Variants in DYNLL2 observed in about 807,000 individuals in gnomAD.
The protein encoded by DYNLL2 is dynein light chain LC8-type 2.
In DYNLL2, 1 loss-of-function variant was observed where a neutral mutation model predicts 9.7. The observed-to-expected ratio is 0.10, with a 90% CI of 0.04 to 0.49. The LOEUF (loss-of-function observed/expected upper bound fraction) is 0.49, where lower values mean the gene tolerates loss of function less well. DYNLL2 is among the 20% of genes least tolerant of loss of function. The pLI, the probability that DYNLL2 is intolerant of heterozygous loss-of-function variation, is 0.95. For synonymous variants in DYNLL2, 35 were observed against 40.5 expected, an observed-to-expected ratio of 0.86 and a Z score of 0.52; for missense variants, 37 against 115.2, an observed-to-expected ratio of 0.32 and a Z score of 3.11.
At chr17:58,088,243 C>T (rs2075767680) in intron 2 of DYNLL2, among the ~76,000 whole-genome samples, 1 of 152,172 alleles carries the variant, frequency 6.6e-6, no homozygotes, top group Admixed American at 6.5e-5. Flanking sequence ...GTGACTGGCT[C>T]TCCTGTATTA....
In DYNLL2 at chr17:58,089,446, A is replaced by C; in HGVS notation, c.*167A>C. 4.9e-6 allele frequency: 4 copies of C among 813,746 alleles called. No individual in the cohort carries two copies. The highest frequency in any genetic ancestry group is 7.1e-6 in the Non-Finnish European group (4 of 564,150). The allele number at this position is 813,746 out of a possible 1,614,324, so 50.4% of individuals were successfully genotyped here. A position where few individuals can be genotyped will look rare whatever the true frequency, so the allele number is the denominator to read the frequency against. On this transcript the variant is annotated 3_prime_UTR_variant, in exon 3 of 3. Coordinates refer to ENST00000579991, the MANE Select transcript of DYNLL2 (RefSeq NM_080677.3). ...TGTATGTCGCAGTAAACAAAACCAAACCTCTTTCTGTTTAGTTGCCTGGGG... is the reference window on the plus strand; with the variant it reads ...TGTATGTCGCAGTAAACAAAACCAACCCTCTTTCTGTTTAGTTGCCTGGGG...
intron 2 of DYNLL2, among the ~76,000 whole-genome samples, chr17:58,087,692 A>G (rs1211446039): frequency 6.6e-6 from 1 of 152,198 alleles, no homozygotes; most frequent in African/African-American, 2.4e-5. Flanking sequence ...GGACTCAGGT[A>G]CTACATCACC....
In DYNLL2 at chr17:58,090,555, TG is replaced by T. The variant is rs890446826; in HGVS notation, c.*1278del. 7.2e-5 allele frequency: 11 copies of T among 152,014 alleles called. No individual in the cohort carries two copies. Among genetic ancestry groups the T allele is most frequent in the Admixed American group, 2.0e-4 (3 of 15,250 alleles). 9.4% of individuals were successfully genotyped at this position (152,014 alleles called of 1,614,324 possible). ...TCTCAGTGCAGAGGGACAGTGACTGTGGATGGTTGCAGTCTCTGGTGGGAGG... is the reference window on the plus strand; with the variant it reads ...TCTCAGTGCAGAGGGACAGTGACTGTGATGGTTGCAGTCTCTGGTGGGAGG... On this transcript the variant is annotated 3_prime_UTR_variant, in exon 3 of 3. Transcript: ENST00000579991.
intron 1 of DYNLL2, 66 bp from the exon 2 acceptor site, chr17:58,087,016 C>T: frequency 6.3e-7 from 1 of 1,582,918 alleles, no homozygotes; most frequent in South Asian, 1.1e-5. Flanking sequence ...GACCCCACAC[C>T]CAGCAGCTAA....
In DYNLL2 at chr17:58,094,460, T is replaced by C. The variant is rs2075791177; in HGVS notation, c.*5181T>C. The C allele has an allele frequency of 6.6e-6, 1 of 152,254 alleles. No homozygotes were observed. The highest frequency in any genetic ancestry group is 6.5e-5 in the Admixed American group (1 of 15,278). The allele number at this position is 152,254 out of a possible 1,614,324, so 9.4% of individuals were successfully genotyped here. On this transcript the variant is annotated 3_prime_UTR_variant, in exon 3 of 3. Coordinates refer to ENST00000579991, the MANE Select transcript of DYNLL2 (RefSeq NM_080677.3). The stretch of plus-strand genomic sequence containing the variant: ...TCCCTGCTCAATTATACCCATGTTA[T>C]AGGGAAGGAAATAGGGAAGAAACTT...
rs2075743692 is a variant in DYNLL2, at chr17:58,083,496, G to C, written c.-197G>C. 1 of 151,804 alleles carries C rather than the reference G, an allele frequency of 6.6e-6. No individual in the cohort carries two copies. Among genetic ancestry groups the C allele is most frequent in the Non-Finnish European group, 1.5e-5 (1 of 67,874 alleles). 9.4% of individuals were successfully genotyped at this position (151,804 alleles called of 1,614,324 possible). A position where few individuals can be genotyped will look rare whatever the true frequency, so the allele number is the denominator to read the frequency against. ...GCGGGCGGCGTGAGGCGGAGCGCGG[G>C]CGGCCGGCGAAACTCCAAGGGCGGA... is the stretch of plus-strand genomic sequence containing the variant. On this transcript the variant is annotated 5_prime_UTR_variant, in exon 1 of 3. Transcript: ENST00000579991.
At position 58,087,126 on chromosome 17, in the gene DYNLL2, C is replaced by T. The variant is rs781738076; in HGVS notation, c.36C>T (p.Asp12=). The change falls in exon 2 of 3, where the codon GAC becomes GAT. Residue 12 remains aspartate (D), a synonymous_variant. Coordinates refer to ENST00000579991, the MANE Select transcript of DYNLL2 (RefSeq NM_080677.3). ...SDRKAVIKNA[D]MSEDMQQDAV... ...GGAAGGCAGTGATCAAGAACGCAGA[C>T]ATGTCTGAGGACATGCAACAGGATG... 2.5e-6 allele frequency: 4 copies of T among 1,614,224 alleles called. No homozygotes were observed. Among genetic ancestry groups the T allele is most frequent in the East Asian group, 2.2e-5 (1 of 44,886 alleles).
At position 58,089,802 on chromosome 17, in the gene DYNLL2, A is replaced by C. The variant is rs781525575; in HGVS notation, c.*523A>C. The C allele has an allele frequency of 2.5e-6, 1 of 398,924 alleles. No individual in the cohort carries two copies. The highest frequency in any genetic ancestry group is 4.4e-6 in the Non-Finnish European group (1 of 226,492). 24.7% of individuals were successfully genotyped at this position (398,924 alleles called of 1,614,324 possible). ...AGGGATTGATCTAGTACCAGGGAGA[A>C]TATTCCACTGAACTGTGATTCTATG... On this transcript the variant is annotated 3_prime_UTR_variant, in exon 3 of 3. Transcript: ENST00000579991.
chr17:58,090,871 C>T lies in DYNLL2; in HGVS notation c.*1592C>T, dbSNP rs2075777836. On this transcript the variant is annotated 3_prime_UTR_variant, in exon 3 of 3. Coordinates refer to ENST00000579991, the MANE Select transcript of DYNLL2 (RefSeq NM_080677.3). Reference sequence around the variant, plus strand: ...GGGATCCAGCTTATTCTTTTATTTTCAAGTCCATTCTTGGGGCTGGTGGGG... The same window carrying T: ...GGGATCCAGCTTATTCTTTTATTTTTAAGTCCATTCTTGGGGCTGGTGGGG... The T allele has an allele frequency of 6.6e-6, 1 of 151,266 alleles. No individual in the cohort carries two copies. The highest frequency in any genetic ancestry group is 1.5e-5 in the Non-Finnish European group (1 of 67,726). The allele number at this position is 151,266 out of a possible 1,614,324, so 9.4% of individuals were successfully genotyped here. A position where few individuals can be genotyped will look rare whatever the true frequency, so the allele number is the denominator to read the frequency against.
chr17:58,093,062 A>AT lies in DYNLL2; in HGVS notation c.*3788dup, dbSNP rs1185967547. The AT allele has an allele frequency of 7.2e-5, 11 of 152,186 alleles. No individual in the cohort carries two copies. The highest frequency in any genetic ancestry group is 2.7e-4 in the African/African-American group (11 of 41,448). 9.4% of individuals were successfully genotyped at this position (152,186 alleles called of 1,614,324 possible). ...ACTAGAATATAAGCTCTGTGAGAGC[A>AT]TTTTTCTCTTAACTGCTTATCTTCA... On this transcript the variant is annotated 3_prime_UTR_variant, in exon 3 of 3. Transcript: ENST00000579991.
rs1397509476 is a variant in DYNLL2, at chr17:58,094,789, A to G, written c.*5510A>G. ...TTCCCTCTTCTCCCCAGCCCTGGGA[A>G]ACCACTGACCTACCTTATATCTCTA... On this transcript the variant is annotated 3_prime_UTR_variant, in exon 3 of 3. Coordinates refer to ENST00000579991, the MANE Select transcript of DYNLL2 (RefSeq NM_080677.3). 1 of 152,240 alleles carries G rather than the reference A, an allele frequency of 6.6e-6. No individual in the cohort carries two copies. Among genetic ancestry groups the G allele is most frequent in the Non-Finnish European group, 1.5e-5 (1 of 68,052 alleles). The allele number at this position is 152,240 out of a possible 1,614,324, so 9.4% of individuals were successfully genotyped here. A position where few individuals can be genotyped will look rare whatever the true frequency, so the allele number is the denominator to read the frequency against.
Position 58,093,422 on chromosome 17 carries a change from C to T in DYNLL2, c.*4143C>T, listed in dbSNP as rs1476942466. 2.0e-5 allele frequency: 3 copies of T among 152,206 alleles called. No homozygotes were observed. The highest frequency in any genetic ancestry group is 2.9e-5 in the Non-Finnish European group (2 of 68,020). 9.4% of individuals were successfully genotyped at this position (152,206 alleles called of 1,614,324 possible). A position where few individuals can be genotyped will look rare whatever the true frequency, so the allele number is the denominator to read the frequency against. On this transcript the variant is annotated 3_prime_UTR_variant, in exon 3 of 3. Transcript: ENST00000579991. The stretch of plus-strand genomic sequence containing the variant: ...GTTGCTGAAACCTGAGAGCGCCCCC[C>T]TGAGCTAGACTCAGTAATCATTAGA...
Position 58,093,414 on chromosome 17 carries a change from G to A in DYNLL2, c.*4135G>A, listed in dbSNP as rs1158285909. Reference sequence around the variant, plus strand: ...CAGTTTATGTTGCTGAAACCTGAGAGCGCCCCCCTGAGCTAGACTCAGTAA... The same window carrying A: ...CAGTTTATGTTGCTGAAACCTGAGAACGCCCCCCTGAGCTAGACTCAGTAA... On this transcript the variant is annotated 3_prime_UTR_variant, in exon 3 of 3. Coordinates refer to ENST00000579991, the MANE Select transcript of DYNLL2 (RefSeq NM_080677.3). The A allele has an allele frequency of 6.6e-6, 1 of 152,174 alleles. No individual in the cohort carries two copies. The allele number at this position is 152,174 out of a possible 1,614,324, so 9.4% of individuals were successfully genotyped here. A position where few individuals can be genotyped will look rare whatever the true frequency, so the allele number is the denominator to read the frequency against.
intron 1 of DYNLL2, 71 bp from the exon 2 acceptor site, chr17:58,087,011 C>G: frequency 6.3e-7 from 1 of 1,578,266 alleles, no homozygotes; most frequent in Admixed American, 1.7e-5. Context: ...ACTGAGACCC[C>G]ACACCCAGCA....
At chr17:58,089,019 T>G in intron 2 of DYNLL2, 123 bp from the exon 3 acceptor site, 1 of 1,196,032 alleles carries the variant, frequency 8.4e-7, no homozygotes, top group Non-Finnish European at 1.2e-6. Flanking sequence ...GGCTGAGGGA[T>G]GGGGTGGGGG....
intron 1 of DYNLL2, among the ~76,000 whole-genome samples, chr17:58,084,126 C>T (rs548527508): frequency 6.6e-6 from 1 of 151,856 alleles, no homozygotes. Context: ...CGGCGCTGTT[C>T]CAGGCCGGGT....
At chr17:58,084,360 G>A (rs1013889257) in intron 1 of DYNLL2, among the ~76,000 whole-genome samples, 4 of 152,142 alleles carry the variant, frequency 2.6e-5, no homozygotes, top group Admixed American at 2.6e-4. Flanking sequence ...CGTGTCATTC[G>A]GAGATTTAGC....
chr17:58,085,351 A>G (rs531666992), intron 1 of DYNLL2, among the ~76,000 whole-genome samples: 2 of 152,312 alleles, frequency 1.3e-5, no homozygotes, highest in South Asian at 4.1e-4. Context: ...CCTTTCAGCC[A>G]TCTAGCCCAC....
intron 2 of DYNLL2, among the ~76,000 whole-genome samples, chr17:58,087,449 T>C (rs2075764368): frequency 6.6e-6 from 1 of 151,834 alleles, no homozygotes; most frequent in Admixed American, 6.6e-5. Context: ...TGTGTGTGTA[T>C]GTTTACTTTT....
Sources: gnomAD v4.1 joint callset for allele counts (sites outside exome capture counted in the v4.1 genomes callset) on GRCh38, gnomAD v4.1.1 for gene constraint, MANE v1.5 for transcripts, NCBI Gene and HGNC (gene_info 2026-07-23, HGNC 2026-07-21) for gene names.